The following ERICH1 variants were observed in gnomAD, a reference collection of about 807,000 sequenced individuals.
The protein encoded by ERICH1 is glutamate rich 1, also known as glutamate-rich protein 1.
Under a neutral mutation model 39.6 loss-of-function variants are expected in ERICH1, and 56 were observed. That is an observed-to-expected ratio of 1.41 (90% CI 1.14 to 1.77). ERICH1 has a LOEUF of 1.77. Ranked by LOEUF, ERICH1 falls within the 40% of genes most tolerant of loss-of-function variation. ERICH1 has a pLI of 0.00. For missense variants in ERICH1, 826 were observed against 575.4 expected (o/e 1.44, Z -4.45); for synonymous variants, 313 against 223.6 (o/e 1.40, Z -3.57).
At chr8:721,826 A>G (rs1817393204) in intron 1 of ERICH1, among the ~76,000 whole-genome samples, 2 of 152,342 alleles carry the variant, frequency 1.3e-5, no homozygotes, top group South Asian at 4.1e-4. Flanking sequence ...GTTTGTTGAA[A>G]TGCTCGTTTT....
At chr8:642,613 A>AT (rs910103435) in intron 3 of ERICH1, among the ~76,000 whole-genome samples, 96 of 148,506 alleles carry the variant, frequency 6.5e-4, no homozygotes, top group Admixed American at 1.9e-3. Context: ...CAAAGTGGAA[A>AT]TTTTTTTTTT....
intron 3 of ERICH1, among the ~76,000 whole-genome samples, chr8:687,301 C>A (rs1807645365): frequency 6.6e-6 from 1 of 152,218 alleles, no homozygotes; most frequent in African/African-American, 2.4e-5. Flanking sequence ...CTAACACTTG[C>A]CTTACGGGCT....
chr8:718,420 C>G (rs1256335413), intron 1 of ERICH1, among the ~76,000 whole-genome samples: 2 of 152,138 alleles, frequency 1.3e-5, no homozygotes, highest in African/African-American at 4.8e-5. Context: ...CATCCACTGC[C>G]TGAAATAAAT....
At chr8:639,623 C>A (rs1308179654) in intron 3 of ERICH1, among the ~76,000 whole-genome samples, 2 of 149,990 alleles carry the variant, frequency 1.3e-5, no homozygotes, top group East Asian at 3.9e-4. Flanking sequence ...AGCCACCAAT[C>A]CAGTTAGCAG....
rs575034180 is a variant in ERICH1 at position 728,304 on chromosome 8, T to C, written c.22+2836A>G. ...AGGAGCAAGTCCTGTATGGCTCTGC[T>C]CACCAACACGAGATGTCCTGACAGG... On this transcript the variant is annotated intron_variant, in intron 1 of 5. Transcript: ENST00000262109. 2.0e-5 allele frequency among the ~76,000 whole-genome samples: 3 copies of C among 152,204 alleles called. No individual in the cohort carries two copies. The South Asian group carries it at 6.2e-4, about 32-fold the overall frequency.
At chr8:630,011 G>C (rs1797883751) in intron 3 of ERICH1, among the ~76,000 whole-genome samples, 1 of 114,736 alleles carries the variant, frequency 8.7e-6, no homozygotes, top group African/African-American at 3.6e-5. Context: ...CACCCACACA[G>C]ACAAAGCTGA....
intron 3 of ERICH1, among the ~76,000 whole-genome samples, chr8:688,411 T>G (rs1457919894): frequency 8.6e-6 from 1 of 116,018 alleles, no homozygotes; most frequent in Non-Finnish European, 1.9e-5. Flanking sequence ...CAGGCTCCGC[T>G]TCCCTCCGGC....
chr8:708,429 A>C (rs1813799994), intron 2 of ERICH1, among the ~76,000 whole-genome samples: 1 of 152,198 alleles, frequency 6.6e-6, no homozygotes, highest in Non-Finnish European at 1.5e-5. Flanking sequence ...GAGAAACAAA[A>C]TGTGGTCTAT....
At chr8:634,018 C>A (rs953775953) in intron 3 of ERICH1, among the ~76,000 whole-genome samples, 6 of 152,140 alleles carry the variant, frequency 3.9e-5, no homozygotes, top group Non-Finnish European at 1.5e-5. Context: ...ACAGAAAAAG[C>A]AGACAGCGGG....
intron 3 of ERICH1, among the ~76,000 whole-genome samples, chr8:619,643 C>T (rs146940400): frequency 9.1e-4 from 138 of 152,230 alleles, no homozygotes; most frequent in African/African-American, 3.1e-3. Context: ...CTTCTCTCAA[C>T]TTCCTTAAAA....
chr8:638,374 G>A (rs959951372), intron 3 of ERICH1, among the ~76,000 whole-genome samples: 2 of 152,168 alleles, frequency 1.3e-5, no homozygotes, highest in African/African-American at 2.4e-5. Context: ...CATGTTCTTC[G>A]GAGAGGAGGC....
chr8:619,600 A>G (rs1797152540), intron 3 of ERICH1, among the ~76,000 whole-genome samples: 1 of 152,214 alleles, frequency 6.6e-6, no homozygotes, highest in Non-Finnish European at 1.5e-5. Flanking sequence ...GATTAATATA[A>G]CAAACTTTAT....
chr8:698,920 C>G (rs1811020866), intron 2 of ERICH1, among the ~76,000 whole-genome samples: 1 of 141,420 alleles, frequency 7.1e-6, no homozygotes, highest in Admixed American at 7.1e-5. Context: ...TTTTTTTTAA[C>G]CAGGGAGGCT....
intron 3 of ERICH1, among the ~76,000 whole-genome samples, chr8:674,486 TAG>T (rs754273130): frequency 3.9e-5 from 6 of 152,066 alleles, no homozygotes; most frequent in Non-Finnish European, 7.4e-5. Flanking sequence ...TTATTTTCAG[TAG>T]AGACGGGGTT....
rs760212450 is a variant in ERICH1, at chr8:731,212, C to G, written c.-51G>C. Reference sequence around the variant, plus strand: ...CCACGGCGCGCGGTCCTGAGCTGAGCGCCGTGCCTTCCGGGTTCCGCCCTC... The same window carrying G: ...CCACGGCGCGCGGTCCTGAGCTGAGGGCCGTGCCTTCCGGGTTCCGCCCTC... On this transcript the variant is annotated 5_prime_UTR_variant, in exon 1 of 6. Coordinates refer to ENST00000262109, the MANE Select transcript of ERICH1 (RefSeq NM_207332.3). The G allele has an allele frequency of 2.8e-6, 4 of 1,420,668 alleles. No homozygotes were observed. The highest frequency in any genetic ancestry group is 1.5e-5 in the South Asian group (1 of 68,536). The allele number at this position is 1,420,668 out of a possible 1,614,324, so 88.0% of individuals were successfully genotyped here.
intron 4 of ERICH1, 169 bp from the exon 5 acceptor site, chr8:668,961 A>G: frequency 1.5e-6 from 1 of 653,436 alleles, no homozygotes; most frequent in African/African-American, 1.8e-5. Flanking sequence ...AGCTCAGCAC[A>G]AAATACCACT....
At chr8:638,446 G>C (rs186588997) in intron 3 of ERICH1, among the ~76,000 whole-genome samples, 1 of 152,316 alleles carries the variant, frequency 6.6e-6, no homozygotes, top group East Asian at 1.9e-4. Context: ...TGCCTGAAAG[G>C]AGGGCAGTTG....
intron 4 of ERICH1, 109 bp from the exon 5 acceptor site, chr8:668,901 A>C: frequency 1.0e-6 from 1 of 967,676 alleles, no homozygotes; most frequent in Non-Finnish European, 1.5e-6. Context: ...TTCCACACAG[A>C]ATGACATATC....
In ERICH1 at chr8:648,602, T is replaced by C. The variant is rs1799603088; in HGVS notation, c.976+19996A>G. Among the ~76,000 whole-genome samples the C allele has an allele frequency of 5.9e-5, 4 of 67,912 alleles. 2 individuals carry two copies. The highest frequency in any genetic ancestry group is 5.1e-4 in the Admixed American group (4 of 7,830). 44.6% of individuals were successfully genotyped at this position (67,912 alleles called of 152,430 possible). ...AGGAAGGAGCCCGCTGGTTCTACTCTTCACTCCAGCGTGCACTATGTGTGA... is the reference window on the plus strand; with the variant it reads ...AGGAAGGAGCCCGCTGGTTCTACTCCTCACTCCAGCGTGCACTATGTGTGA... On this transcript the variant is annotated intron_variant, in intron 3 of 3. Transcript: ENST00000522706.
Sources: allele counts gnomAD v4.1 joint callset (sites outside exome capture counted in the v4.1 genomes callset), GRCh38; gene constraint gnomAD v4.1.1; transcripts MANE v1.5; gene names NCBI Gene and HGNC (gene_info 2026-07-23, HGNC 2026-07-21).